Variants in SLC24A4 observed in about 807,000 individuals in gnomAD.
SLC24A4 encodes the protein sodium/potassium/calcium exchanger 4.
Under a neutral mutation model 79.0 loss-of-function variants are expected in SLC24A4, and 53 were observed. The ratio of observed to expected loss-of-function variants is 0.67; its 90% CI spans 0.54 to 0.84. The LOEUF is 0.84. Ranked by LOEUF, SLC24A4 falls within the 40% of genes least tolerant of loss-of-function variation. SLC24A4 has a pLI of 0.00. For synonymous variants in SLC24A4, 323 were observed against 323.8 expected (o/e 1.00, Z 0.03); for missense variants, 731 against 822.0 (o/e 0.89, Z 1.35).
At chr14:92,360,838 C>T (rs758317463) in intron 2 of SLC24A4, among the ~76,000 whole-genome samples, 5 of 152,200 alleles carry the variant, frequency 3.3e-5, no homozygotes, top group South Asian at 4.1e-4. Context: ...CACACAGCCA[C>T]GTTACCACGG....
chr14:92,371,955 C>G (rs1392858724), intron 2 of SLC24A4, among the ~76,000 whole-genome samples: 6 of 127,546 alleles, frequency 4.7e-5, no homozygotes, highest in Non-Finnish European at 1.1e-4. Flanking sequence ...TGGCCTCTCT[C>G]TTGTCTGTGC....
At chr14:92,370,082 GTCT>G (rs1216296101) in intron 2 of SLC24A4, among the ~76,000 whole-genome samples, 1 of 152,176 alleles carries the variant, frequency 6.6e-6, no homozygotes, top group Non-Finnish European at 1.5e-5. Flanking sequence ...ATTCTTTAAA[GTCT>G]TCTTTAGGAT....
At chr14:92,447,183 A>T (rs1892841838) in intron 8 of SLC24A4, among the ~76,000 whole-genome samples, 188 bp from the exon 9 acceptor site, 1 of 152,156 alleles carries the variant, frequency 6.6e-6, no homozygotes, top group African/African-American at 2.4e-5. Flanking sequence ...TTGAACATCA[A>T]GAGGGCTGCT....
rs553728525 is a variant in SLC24A4 at position 92,323,834 on chromosome 14, G to A, written c.4G>A (p.Ala2Thr). The change falls in exon 1 of 17, where the codon GCG (alanine) becomes ACG (threonine). Residue 2 changes from alanine to threonine, a missense_variant. Physicochemically the swap from Ala to Thr is moderately conservative, Grantham distance 58 (BLOSUM62 0). Transcript: ENST00000532405. This position sits in a 1 kb window ranked among gnomAD's most constrained non-coding sequence, Gnocchi z 4.9. Reference protein sequence around the residue: MALRGTLRPLKV... With the variant: MTLRGTLRPLKV... ...GACGGCACCCAGGCGCTCCGGGATG[G>A]CGCTCCGCGGGACCCTCCGGCCGCT... The A allele has an allele frequency of 8.9e-6, 14 of 1,573,930 alleles. No homozygotes were observed. In the Admixed American group the frequency reaches 2.4e-4, roughly 27 times the overall value.
chr14:92,426,204 G>T (rs1891559316), intron 2 of SLC24A4, among the ~76,000 whole-genome samples: 1 of 152,028 alleles, frequency 6.6e-6, no homozygotes, highest in Non-Finnish European at 1.5e-5. Context: ...AATAAAGAAG[G>T]TTTATATGGC....
At chr14:92,381,471 C>A (rs1411527160) in intron 2 of SLC24A4, among the ~76,000 whole-genome samples, 1 of 152,110 alleles carries the variant, frequency 6.6e-6, no homozygotes, top group Non-Finnish European at 1.5e-5. Flanking sequence ...AGGACAAATA[C>A]CTAATGCATG....
At chr14:92,448,239 G>C (rs550448369) in intron 9 of SLC24A4, among the ~76,000 whole-genome samples, 1 of 152,066 alleles carries the variant, frequency 6.6e-6, no homozygotes. Context: ...CCGTGCTGAT[G>C]GTTGTAGAAC....
chr14:92,478,888 G>C (rs1193086491), intron 12 of SLC24A4, among the ~76,000 whole-genome samples: 1 of 152,044 alleles, frequency 6.6e-6, no homozygotes, highest in African/African-American at 2.4e-5. Flanking sequence ...ATGATGTTTG[G>C]TAGTTTTCAG....
intron 2 of SLC24A4, among the ~76,000 whole-genome samples, chr14:92,406,384 T>A (rs1890377614): frequency 6.6e-6 from 1 of 152,200 alleles, no homozygotes; most frequent in African/African-American, 2.4e-5. Context: ...GACCCTCTTC[T>A]CACAGCTCCA....
chr14:92,373,622 G>T (rs1037897444), intron 2 of SLC24A4, among the ~76,000 whole-genome samples: 8 of 152,170 alleles, frequency 5.3e-5, no homozygotes, highest in Non-Finnish European at 1.2e-4. Flanking sequence ...GGAAAGTTTT[G>T]GAAATGATCT....
At chr14:92,458,941 A>G (rs1893639513) in intron 12 of SLC24A4, among the ~76,000 whole-genome samples, 1 of 152,146 alleles carries the variant, frequency 6.6e-6, no homozygotes, top group Non-Finnish European at 1.5e-5. Flanking sequence ...GGGTGGGGCG[A>G]GGAGGAGCGA....
At chr14:92,324,221 A>G (rs1884982907) in intron 1 of SLC24A4, among the ~76,000 whole-genome samples, 1 of 152,168 alleles carries the variant, frequency 6.6e-6, no homozygotes, top group African/African-American at 2.4e-5. Context: ...CTAAGACGAA[A>G]GCAAGAACCG....
chr14:92,349,164 AT>A (rs55770253), intron 2 of SLC24A4, among the ~76,000 whole-genome samples: 19,665 of 143,820 alleles, frequency 0.14, 1,391 homozygotes, highest in African/African-American at 0.19. Context: ...TGACTGGAAG[AT>A]TTTTTTTTTT....
At chr14:92,351,913 A>AGGAAGGAAAGGAAAGGAAAG (rs1555361035) in intron 2 of SLC24A4, among the ~76,000 whole-genome samples, 164 of 89,612 alleles carry the variant, frequency 1.8e-3, no homozygotes, top group East Asian at 7.6e-3. Context: ...AAGGAAGGAA[A>AGGAAGGAAAGGAAAGGAAAG]GGAAGGAAAG....
At chr14:92,397,302 G>A (rs1278680156) in intron 2 of SLC24A4, among the ~76,000 whole-genome samples, 3 of 152,194 alleles carry the variant, frequency 2.0e-5, no homozygotes, top group Non-Finnish European at 4.4e-5. Context: ...CTCCGGCTTG[G>A]CATCTGGCTG....
intron 2 of SLC24A4, among the ~76,000 whole-genome samples, chr14:92,380,188 G>C (rs1371428767): frequency 6.6e-6 from 1 of 152,230 alleles, no homozygotes; most frequent in Non-Finnish European, 1.5e-5. Flanking sequence ...CAGTGACCGA[G>C]AGCAGATCCA....
intron 10 of SLC24A4, 75 bp downstream of exon 10, chr14:92,449,291 C>T (rs1893000210): frequency 1.2e-5 from 6 of 486,884 alleles, no homozygotes; most frequent in East Asian, 5.4e-5. Context: ...TACACACACA[C>T]ACACACACAC....
At chr14:92,476,549 T>C (rs1894777358) in intron 12 of SLC24A4, among the ~76,000 whole-genome samples, 1 of 152,242 alleles carries the variant, frequency 6.6e-6, no homozygotes, top group African/African-American at 2.4e-5. Context: ...CTTTGCAATT[T>C]TTAAAATTGA....
At chr14:92,476,603 C>A (rs1048346033) in intron 12 of SLC24A4, among the ~76,000 whole-genome samples, 1 of 152,084 alleles carries the variant, frequency 6.6e-6, no homozygotes, top group Non-Finnish European at 1.5e-5. Context: ...TAAACTAATT[C>A]GTGGTTTTTG....
Sources: gnomAD v4.1 joint callset for allele counts (sites outside exome capture counted in the v4.1 genomes callset) on GRCh38, gnomAD v4.1.1 for gene constraint, Gnocchi (gnomAD v3.1) non-coding constraint, MANE v1.5 for transcripts, NCBI Gene and HGNC (gene_info 2026-07-23, HGNC 2026-07-21) for gene names.